Variants in PNPLA8 observed in about 807,000 individuals in gnomAD.
The protein encoded by PNPLA8 is patatin like domain 8, phospholipase A2.
In PNPLA8, 39 loss-of-function variants were observed where a neutral mutation model predicts 76.9. The ratio of observed to expected loss-of-function variants is 0.51; its 90% CI spans 0.39 to 0.66. The LOEUF (loss-of-function observed/expected upper bound fraction) is 0.66. Ranked by LOEUF, PNPLA8 falls within the 30% of genes least tolerant of loss-of-function variation. PNPLA8 has a pLI of 0.00. For synonymous variants in PNPLA8, 301 were observed against 307.9 expected (o/e 0.98, Z 0.24); for missense variants, 887 against 918.0 (o/e 0.97, Z 0.44).
At chr7:108,510,979 T>A in intron 4 of PNPLA8, 1 of 1,501,034 alleles carries the variant, frequency 6.7e-7, no homozygotes, top group Non-Finnish European at 9.1e-7. Flanking sequence ...TGAACTAAGG[T>A]GTCTACCATG....
chr7:108,527,443 G>C (rs528846283), upstream of PNPLA8, among the ~76,000 whole-genome samples: 7 of 152,330 alleles, frequency 4.6e-5, no homozygotes, highest in Middle Eastern at 3.4e-3. Flanking sequence ...CCTTACAGGC[G>C]TGTGGAAGGA....
intron 8 of PNPLA8, among the ~76,000 whole-genome samples, chr7:108,488,521 G>C (rs534605948): frequency 1.3e-5 from 2 of 152,232 alleles, no homozygotes; most frequent in East Asian, 3.9e-4. Flanking sequence ...GGAGTGAGCC[G>C]AGATCACGTC....
At chr7:108,497,027 AATG>A (rs1187888280) in intron 6 of PNPLA8, among the ~76,000 whole-genome samples, 6 of 152,142 alleles carry the variant, frequency 3.9e-5, no homozygotes, top group Non-Finnish European at 7.3e-5. Context: ...TACCCCCAAT[AATG>A]ATAATAATAA....
intron 9 of PNPLA8, among the ~76,000 whole-genome samples, chr7:108,480,196 G>C (rs890791022): frequency 6.6e-6 from 1 of 151,972 alleles, no homozygotes; most frequent in African/African-American, 2.4e-5. Flanking sequence ...GGGACACCTG[G>C]TCTCTACAAA....
At chr7:108,524,267 T>A (rs1167548434) in intron 1 of PNPLA8, among the ~76,000 whole-genome samples, 1 of 152,210 alleles carries the variant, frequency 6.6e-6, no homozygotes, top group Non-Finnish European at 1.5e-5. Context: ...ATATTTTCCA[T>A]AATATTTCAG....
intron 4 of PNPLA8, among the ~76,000 whole-genome samples, chr7:108,505,086 T>C (rs991918115): frequency 5.3e-5 from 8 of 151,170 alleles, no homozygotes; most frequent in African/African-American, 1.9e-4. Context: ...AAAAAATACA[T>C]AAATGAAAAA....
intron 8 of PNPLA8, among the ~76,000 whole-genome samples, chr7:108,490,505 T>C (rs1266721147): frequency 2.6e-5 from 4 of 152,200 alleles, no homozygotes; most frequent in African/African-American, 7.2e-5. Flanking sequence ...GTAAGAAGGC[T>C]GGGCGCGGTG....
upstream of PNPLA8, among the ~76,000 whole-genome samples, chr7:108,527,030 T>C (rs531360224): frequency 6.6e-6 from 1 of 152,342 alleles, no homozygotes; most frequent in East Asian, 1.9e-4. Flanking sequence ...ATTTGGGTAG[T>C]TGCAATAGCC....
At chr7:108,499,888 T>C (rs1206887377) in intron 5 of PNPLA8, among the ~76,000 whole-genome samples, 2 of 152,188 alleles carry the variant, frequency 1.3e-5, no homozygotes, top group Non-Finnish European at 2.9e-5. Context: ...CTTAGACATG[T>C]GAATGTTCTT....
Position 108,507,874 on chromosome 7 carries a change from G to A in PNPLA8, c.1207-5232C>T, listed in dbSNP as rs373307737. 5.4e-5 allele frequency among the ~76,000 whole-genome samples: 8 copies of A among 148,400 alleles called. No homozygotes were observed. In the South Asian group the frequency reaches 8.7e-4, roughly 16 times the overall value. On this transcript the variant is annotated intron_variant, in intron 4 of 10. Coordinates refer to ENST00000257694, the MANE Select transcript of PNPLA8 (RefSeq NM_001256007.3). ...GGGATGCAAGGCTGGTTCAATATAC[G>A]CAAATCAATAAATGTAATCCAGCAT... is the stretch of plus-strand genomic sequence containing the variant.
intron 1 of PNPLA8, among the ~76,000 whole-genome samples, chr7:108,524,843 C>T (rs1206254322): frequency 6.6e-6 from 1 of 152,132 alleles, no homozygotes; most frequent in African/African-American, 2.4e-5. Flanking sequence ...GTGTCTATGG[C>T]TCAGCATTCT....
At chr7:108,510,203 C>T (rs1480065943) in intron 4 of PNPLA8, 13 of 991,064 alleles carry the variant, frequency 1.3e-5, no homozygotes, top group East Asian at 1.0e-4. Flanking sequence ...GAAAGAAAAC[C>T]GGTAACTAGC....
At chr7:108,518,022 T>G (rs541793318) in intron 2 of PNPLA8, among the ~76,000 whole-genome samples, 2 of 152,290 alleles carry the variant, frequency 1.3e-5, no homozygotes, top group South Asian at 2.1e-4. Context: ...ATTAACAGAT[T>G]TGGTATCTGC....
intron 10 of PNPLA8, 96 bp downstream of exon 10, chr7:108,479,088 T>G: frequency 1.3e-6 from 1 of 748,042 alleles, no homozygotes; most frequent in Non-Finnish European, 2.3e-6. Flanking sequence ...AATACAGACA[T>G]ATCATATGCC....
At chr7:108,493,435 A>G (rs1027157478) in intron 7 of PNPLA8, among the ~76,000 whole-genome samples, 2 of 151,954 alleles carry the variant, frequency 1.3e-5, no homozygotes, top group Non-Finnish European at 2.9e-5. Flanking sequence ...TTTGAGACGG[A>G]GTCTCGCTCT....
chr7:108,488,075 T>A (rs1352905943), intron 8 of PNPLA8, 122 bp from the exon 9 acceptor site: 9 of 471,600 alleles, frequency 1.9e-5, no homozygotes, highest in African/African-American at 1.8e-4. Flanking sequence ...ACAAATATAA[T>A]GCTGAAAAAA....
At chr7:108,487,072 C>T (rs1296121969) in intron 9 of PNPLA8, among the ~76,000 whole-genome samples, 2 of 152,036 alleles carry the variant, frequency 1.3e-5, no homozygotes, top group Non-Finnish European at 2.9e-5. Flanking sequence ...AAAAACTTGA[C>T]AGAGGAAAAG....
chr7:108,484,604 A>G (rs1860613870), intron 9 of PNPLA8, among the ~76,000 whole-genome samples: 1 of 152,052 alleles, frequency 6.6e-6, no homozygotes, highest in African/African-American at 2.4e-5. Flanking sequence ...TTCCTTCCTC[A>G]TCCCATTTTC....
chr7:108,505,822 G>T (rs533147151), intron 4 of PNPLA8, among the ~76,000 whole-genome samples: 1 of 152,218 alleles, frequency 6.6e-6, no homozygotes, highest in Non-Finnish European at 1.5e-5. Flanking sequence ...AGAACGATTT[G>T]TAAGACATAC....
Sources: gnomAD v4.1 joint callset for allele counts (sites outside exome capture counted in the v4.1 genomes callset) on GRCh38, gnomAD v4.1.1 for gene constraint, MANE v1.5 for transcripts, NCBI Gene and HGNC (gene_info 2026-07-23, HGNC 2026-07-21) for gene names.